The following KDM4B variants were observed in gnomAD, a reference collection of about 807,000 sequenced individuals.
KDM4B encodes lysine-specific demethylase 4B.
Under a neutral mutation model 125.2 loss-of-function variants are expected in KDM4B, and 32 were observed. The observed-to-expected ratio is 0.26, with a 90% CI of 0.19 to 0.34. KDM4B has a LOEUF of 0.34. Among genes scored for constraint, KDM4B ranks in the 10% least tolerant of loss-of-function variants. The pLI is 1.00. For missense variants in KDM4B, 1,190 were observed against 1,577.7 expected (o/e 0.75, Z 4.16); for synonymous variants, 721 against 677.9 (o/e 1.06, Z -0.99).
At chr19:5,090,600 TTC>T (rs542704669) in intron 9 of KDM4B, among the ~76,000 whole-genome samples, 55 of 55,662 alleles carry the variant, frequency 9.9e-4, no homozygotes, top group African/African-American at 1.6e-3. Context: ...CTCCCTCTCT[TTC>T]TCTCTCTCTC....
At chr19:5,064,346 G>T (rs1173084250) in intron 6 of KDM4B, among the ~76,000 whole-genome samples, 1 of 152,148 alleles carries the variant, frequency 6.6e-6, no homozygotes, top group Non-Finnish European at 1.5e-5. Flanking sequence ...CGTCTGCCCA[G>T]GCCTGTGCAG....
chr19:5,025,822 G>C (rs1293919682), intron 2 of KDM4B, among the ~76,000 whole-genome samples: 2 of 152,042 alleles, frequency 1.3e-5, no homozygotes, highest in East Asian at 3.9e-4. Flanking sequence ...AGACCTCTCT[G>C]GTCCCAAACC....
chr19:5,144,943 G>C (rs1262869754), intron 21 of KDM4B, 41 bp downstream of exon 21: 1 of 1,611,640 alleles, frequency 6.2e-7, no homozygotes. Context: ...CCTTCACCAA[G>C]CTCTTCTTGT....
At position 4,996,359 on chromosome 19, in the gene KDM4B, A is replaced by G. The variant is rs191198568; in HGVS notation, c.-108-19898A>G. Among the ~76,000 whole-genome samples, 509 of 152,190 alleles carry G rather than the reference A, an allele frequency of 3.3e-3. 2 individuals carry two copies. Among genetic ancestry groups the G allele is most frequent in the Non-Finnish European group, 5.9e-3 (403 of 68,010 alleles). Reference sequence around the variant, plus strand: ...CCAGCCCTTCTAGGTGGGGTTGCTCAGAGTGTGTGTGCCTGTTTTATTTTT... The same window carrying G: ...CCAGCCCTTCTAGGTGGGGTTGCTCGGAGTGTGTGTGCCTGTTTTATTTTT... On this transcript the variant is annotated intron_variant, in intron 1 of 22. Coordinates refer to ENST00000159111, the MANE Select transcript of KDM4B (RefSeq NM_015015.3).
At chr19:5,068,210 G>A (rs922406467) in intron 6 of KDM4B, among the ~76,000 whole-genome samples, 1 of 152,098 alleles carries the variant, frequency 6.6e-6, no homozygotes, top group Non-Finnish European at 1.5e-5. Flanking sequence ...GGGCCTGGGC[G>A]GAGGACCCTG....
rs906926393 is a variant in KDM4B, at chr19:5,152,537, G to A, written c.*1026G>A. 2 of 152,314 alleles carry A rather than the reference G, an allele frequency of 1.3e-5. No homozygotes were observed. The highest frequency in any genetic ancestry group is 6.5e-5 in the Admixed American group (1 of 15,290). The allele number at this position is 152,314 out of a possible 1,614,324, so 9.4% of individuals were successfully genotyped here. On this transcript the variant is annotated 3_prime_UTR_variant, in exon 23 of 23. Coordinates refer to ENST00000159111, the MANE Select transcript of KDM4B (RefSeq NM_015015.3). ...AACCCTGAGCAGGTCGGGGGACACAGGGCCGAGGCAGGCCTTCGGGGCCCC... is the reference window on the plus strand; with the variant it reads ...AACCCTGAGCAGGTCGGGGGACACAAGGCCGAGGCAGGCCTTCGGGGCCCC...
Position 5,144,783 on chromosome 19 carries a change from A to T in KDM4B, c.2902A>T (p.Ser968Cys). 2 of 1,613,396 alleles carry T rather than the reference A, an allele frequency of 1.2e-6. No homozygotes were observed. Among genetic ancestry groups the T allele is most frequent in the Non-Finnish European group, 1.7e-6 (2 of 1,179,906 alleles). The change falls in exon 21 of 23, where the codon AGT becomes TGT. Residue 968 changes from serine to cysteine, a missense_variant and splice_region_variant. Ser to Cys is a moderately radical substitution (Grantham distance 112, BLOSUM62 -1). This residue lies in a region of KDM4B where 298 missense variants were observed against 439.7 expected (regional missense o/e 0.68). Transcript: ENST00000159111. Reference protein sequence around the residue: ...SDNLYPESITSRDCVQLGPPS... With the variant: ...SDNLYPESITCRDCVQLGPPS... ...CACCTCCCACCTCTTCTCCCTGCAG[A>T]GTAGGGACTGTGTCCAGCTGGGACC...
intron 1 of KDM4B, among the ~76,000 whole-genome samples, chr19:5,002,149 C>T (rs1441937369): frequency 6.6e-6 from 1 of 152,176 alleles, no homozygotes; most frequent in Admixed American, 6.5e-5. Context: ...AGGCGTGTGC[C>T]ACCATGTCCA....
chr19:5,130,700 G>A (rs1468001792), intron 11 of KDM4B, among the ~76,000 whole-genome samples: 4 of 152,324 alleles, frequency 2.6e-5, no homozygotes, highest in Admixed American at 1.3e-4. Context: ...CATTTGGTAC[G>A]GCCCACCCAG....
chr19:5,114,494 T>C lies in KDM4B; in HGVS notation c.1115+3676T>C, dbSNP rs2039217760. 1 of 366,350 alleles carries C rather than the reference T, an allele frequency of 2.7e-6. No individual in the cohort carries two copies. The highest frequency in any genetic ancestry group is 3.4e-5 in the Admixed American group (1 of 29,520). 22.7% of individuals were successfully genotyped at this position (366,350 alleles called of 1,614,324 possible). ...TCCCCACCAACAGGGACCTCAGCCC[T>C]CAGGGACAGAACCTCACGAGCACAG... On this transcript the variant is annotated intron_variant, in intron 10 of 22. Transcript: ENST00000159111. The surrounding 1 kb of genome is among the most constrained non-coding windows in gnomAD (Gnocchi z 5.8).
At chr19:5,117,763 G>T (rs1256639970) in intron 10 of KDM4B, among the ~76,000 whole-genome samples, 2 of 151,892 alleles carry the variant, frequency 1.3e-5, no homozygotes, top group East Asian at 3.9e-4. Flanking sequence ...GCCCGCCCCT[G>T]CCTGCCTCCC....
At chr19:5,124,026 T>TG (rs1044808912) in intron 11 of KDM4B, among the ~76,000 whole-genome samples, 7 of 130,830 alleles carry the variant, frequency 5.4e-5, no homozygotes, top group African/African-American at 1.7e-4. Flanking sequence ...TCCCTGGGGG[T>TG]GGGGGGCTGC....
chr19:5,071,014 G>A lies in KDM4B; in HGVS notation c.631G>A (p.Ala211Thr), dbSNP rs780751359. 15 of 1,613,498 alleles carry A rather than the reference G, an allele frequency of 9.3e-6. No individual in the cohort carries two copies. The highest frequency in any genetic ancestry group is 2.2e-5 in the South Asian group (2 of 91,062). ...CGTGCCTCCCTTCTCTCGCAGGTAC[G>A]CCATCCCACCAGAGCACGGCAAGCG... ...LHFGEPKSWY[A>T]IPPEHGKRLE... Residue 211 changes from alanine (A) to threonine (T), a missense_variant, in exon 7 of 23, where the codon GCC becomes ACC. Physicochemically the swap from Ala to Thr is moderately conservative, Grantham distance 58. Around this residue, in one of 7 missense-constraint regions of KDM4B, gnomAD observed 75 missense variants for 218.2 expected, o/e 0.34. Coordinates refer to ENST00000159111, the MANE Select transcript of KDM4B (RefSeq NM_015015.3).
At chr19:5,061,897 G>A (rs180838455) in intron 6 of KDM4B, among the ~76,000 whole-genome samples, 2 of 152,174 alleles carry the variant, frequency 1.3e-5, no homozygotes, top group Admixed American at 1.3e-4. Flanking sequence ...AAATAGGGTA[G>A]CTTTCCATCA....
intron 1 of KDM4B, among the ~76,000 whole-genome samples, chr19:4,990,601 T>C (rs2035001252): frequency 6.6e-6 from 1 of 152,136 alleles, no homozygotes. Flanking sequence ...ATACTGTCAT[T>C]ATGGAAGTTG....
At chr19:5,145,814 G>A (rs923146443) in intron 21 of KDM4B, among the ~76,000 whole-genome samples, 5 of 152,274 alleles carry the variant, frequency 3.3e-5, no homozygotes, top group East Asian at 3.9e-4. Flanking sequence ...CTCGGGTCAC[G>A]CGGCGGGTCA....
In KDM4B at chr19:5,032,908, C is replaced by T. The variant is rs374204366; in HGVS notation, c.18C>T (p.His6=). Residue 6 remains histidine, a synonymous_variant, in exon 3 of 23, where the codon CAC becomes CAT. Coordinates refer to ENST00000159111, the MANE Select transcript of KDM4B (RefSeq NM_015015.3). Reference sequence around the variant, plus strand: ...CTGCAGCCATGGGGTCTGAGGACCACGGCGCCCAGAACCCCAGCTGTAAAA... The same window carrying T: ...CTGCAGCCATGGGGTCTGAGGACCATGGCGCCCAGAACCCCAGCTGTAAAA... MGSED[H]GAQNPSCKIM... is the part of the protein sequence containing the mutation. 29 of 1,613,986 alleles carry T rather than the reference C, an allele frequency of 1.8e-5. No individual in the cohort carries two copies. The highest frequency in any genetic ancestry group is 4.4e-5 in the South Asian group (4 of 91,084).
chr19:5,021,015 C>T (rs1481440145), intron 2 of KDM4B, among the ~76,000 whole-genome samples: 1 of 151,832 alleles, frequency 6.6e-6, no homozygotes, highest in African/African-American at 2.4e-5. Context: ...GACGTGGTGG[C>T]GTGTGCCTAC....
At chr19:4,989,969 G>C (rs2034980556) in intron 1 of KDM4B, among the ~76,000 whole-genome samples, 1 of 152,088 alleles carries the variant, frequency 6.6e-6, no homozygotes, top group Non-Finnish European at 1.5e-5. Context: ...TCCTTTTCAT[G>C]TCATCCCTTG....
Sources: gnomAD v4.1 joint callset for allele counts (sites outside exome capture counted in the v4.1 genomes callset) on GRCh38, gnomAD v4.1.1 for gene constraint, gnomAD v4.1.1 regional missense constraint, Gnocchi (gnomAD v3.1) non-coding constraint, MANE v1.5 for transcripts, NCBI Gene and HGNC (gene_info 2026-07-23, HGNC 2026-07-21) for gene names.